CALHM4: variants seen among roughly 807,000 people sequenced by gnomAD.
The protein encoded by CALHM4 is calcium homeostasis modulator protein 4.
A neutral mutation model predicts 13.3 loss-of-function variants in CALHM4; 16 were observed. The observed-to-expected ratio is 1.20, with a 90% CI of 0.81 to 1.82. The LOEUF (loss-of-function observed/expected upper bound fraction) is 1.82. CALHM4 is among the 40% of genes most tolerant of loss of function. CALHM4 has a pLI of 0.00. For synonymous variants in CALHM4, 127 were observed against 137.1 expected (o/e 0.93, Z 0.52); for missense variants, 344 against 374.9 (o/e 0.92, Z 0.68).
At chr6:116,533,171 G>A (rs1772846184) in intron 1 of CALHM4, among the ~76,000 whole-genome samples, 1 of 152,160 alleles carries the variant, frequency 6.6e-6, no homozygotes, top group African/African-American at 2.4e-5. Context: ...TGGCCACAGT[G>A]TCATTTAACA....
chr6:116,557,271 G>T (rs1774364164), intron 1 of CALHM4, among the ~76,000 whole-genome samples: 1 of 152,070 alleles, frequency 6.6e-6, no homozygotes, highest in African/African-American at 2.4e-5. Flanking sequence ...AGAAACATGA[G>T]TCTCTTCACT....
At chr6:116,539,716 T>A (rs944199208) in intron 1 of CALHM4, among the ~76,000 whole-genome samples, 3 of 152,158 alleles carry the variant, frequency 2.0e-5, no homozygotes, top group African/African-American at 7.2e-5. Flanking sequence ...CTGACTTAAT[T>A]GATCAGTTTT....
At chr6:116,546,354 T>C (rs1773782610) in intron 2 of CALHM4, among the ~76,000 whole-genome samples, 1 of 152,236 alleles carries the variant, frequency 6.6e-6, no homozygotes, top group African/African-American at 2.4e-5. Context: ...CCTTTCACCT[T>C]GACAACTGCA....
chr6:116,540,118 A>T (rs1773346485), intron 1 of CALHM4, among the ~76,000 whole-genome samples: 1 of 152,322 alleles, frequency 6.6e-6, no homozygotes, highest in East Asian at 1.9e-4. Flanking sequence ...TGCTTTTTCC[A>T]CTGTGAGACA....
intron 1 of CALHM4, among the ~76,000 whole-genome samples, chr6:116,531,711 C>T (rs1267789671): frequency 2.6e-5 from 4 of 152,074 alleles, no homozygotes; most frequent in African/African-American, 4.8e-5. Context: ...ATGAAATGCA[C>T]TATGTAATGA....
chr6:116,538,212 C>T (rs867222599), intron 1 of CALHM4, among the ~76,000 whole-genome samples: 7 of 152,266 alleles, frequency 4.6e-5, no homozygotes, highest in African/African-American at 1.4e-4. Flanking sequence ...TTGCCCTCAG[C>T]GCTAATAATA....
Position 116,557,858 on chromosome 6 carries a change from A to G in CALHM4, c.592A>G (p.Ile198Val). The change falls in exon 2 of 2, where the codon ATT (isoleucine) becomes GTT (valine). Residue 198 changes from isoleucine (I) to valine (V), a missense_variant. Physicochemically the swap from Ile to Val is conservative, Grantham distance 29. Coordinates refer to ENST00000368596, the MANE Select transcript of CALHM4 (RefSeq NM_001366078.2). ...TTGGATTTTGATCACCTTGGCAACC[A>G]TTGCTGCCTTAGTCTCCTGCTGTGT... ...LGWILITLAT[I>V]AALVSCCVAK... The G allele has an allele frequency of 8.7e-6, 14 of 1,614,032 alleles. No individual in the cohort carries two copies. The highest frequency in any genetic ancestry group is 1.2e-5 in the Non-Finnish European group (14 of 1,179,954).
intron 1 of CALHM4, chr6:116,540,513 G>A (rs754483707): frequency 7.9e-6 from 12 of 1,517,842 alleles, no homozygotes; most frequent in South Asian, 1.2e-5. Flanking sequence ...AATTAGTGAA[G>A]TCTGTCAGTT....
intron 1 of CALHM4, 111 bp from the exon 2 acceptor site, chr6:116,557,714 T>C (rs1774387339): frequency 7.7e-7 from 1 of 1,303,060 alleles, no homozygotes; most frequent in African/African-American, 1.5e-5. Flanking sequence ...AAGCAAATTT[T>C]ATGTCCATAT....
chr6:116,542,037 T>C (rs997871185), intron 1 of CALHM4, among the ~76,000 whole-genome samples: 2 of 152,204 alleles, frequency 1.3e-5, no homozygotes, highest in African/African-American at 4.8e-5. Context: ...AAAGGTATTT[T>C]TGTAGTCAAA....
At position 116,557,753 on chromosome 6, in the gene CALHM4, C is replaced by T; in HGVS notation, c.559-72C>T. The T allele has an allele frequency of 2.6e-6, 4 of 1,509,800 alleles. No homozygotes were observed. The South Asian group carries it at 3.9e-5, about 15-fold the overall frequency. The allele number at this position is 1,509,800 out of a possible 1,614,324, so 93.5% of individuals were successfully genotyped here. ...AGTTCTTAGGTTTGTAGGAATCCCC[C>T]CTCCCATGGCTGTTGCTTGAATATT... On this transcript the variant is annotated intron_variant, in intron 1 of 1. Coordinates refer to ENST00000368596, the MANE Select transcript of CALHM4 (RefSeq NM_001366078.2).
chr6:116,552,249 C>T (rs1228136080), upstream of CALHM4, among the ~76,000 whole-genome samples: 5 of 152,024 alleles, frequency 3.3e-5, no homozygotes, highest in African/African-American at 9.7e-5. Flanking sequence ...CAGTCATTGC[C>T]GTTCTTTTGT....
At chr6:116,531,490 T>C (rs1170964264) in intron 1 of CALHM4, among the ~76,000 whole-genome samples, 3 of 152,068 alleles carry the variant, frequency 2.0e-5, no homozygotes, top group African/African-American at 4.8e-5. Flanking sequence ...CACAAAGACT[T>C]GCTGCTGAGG....
At chr6:116,540,490 G>GA in intron 1 of CALHM4, 2 of 1,543,508 alleles carry the variant, frequency 1.3e-6, no homozygotes, top group South Asian at 1.2e-5. Context: ...AGTGTGGTCT[G>GA]AAAATTCTAA....
At chr6:116,543,060 T>A (rs1051925457) in intron 1 of CALHM4, among the ~76,000 whole-genome samples, 4 of 152,172 alleles carry the variant, frequency 2.6e-5, no homozygotes, top group Non-Finnish European at 5.9e-5. Flanking sequence ...ACTTAAGAAA[T>A]GATTTCTAAC....
chr6:116,543,748 GC>G (rs1442724333), intron 1 of CALHM4: 6 of 1,294,980 alleles, frequency 4.6e-6, no homozygotes, highest in East Asian at 5.1e-5. Context: ...TAAAATATAT[GC>G]CATCCATGTT....
At chr6:116,552,918 C>CA (rs570699728), upstream of CALHM4, among the ~76,000 whole-genome samples, 30 of 152,098 alleles carry the variant, frequency 2.0e-4, 1 homozygote, top group South Asian at 5.6e-3. Flanking sequence ...ACTAAAAATA[C>CA]AAAAAATTAG....
At chr6:116,535,698 C>A (rs187870265) in intron 1 of CALHM4, among the ~76,000 whole-genome samples, 3 of 152,158 alleles carry the variant, frequency 2.0e-5, no homozygotes, top group Non-Finnish European at 4.4e-5. Context: ...CAACTAAAAT[C>A]AGCTATGGTA....
intron 1 of CALHM4, among the ~76,000 whole-genome samples, chr6:116,557,470 G>T: frequency 6.6e-6 from 1 of 152,144 alleles, no homozygotes; most frequent in Admixed American, 6.5e-5. Context: ...ATAACTGATA[G>T]TTGAGAAGTA....
Sources: allele counts gnomAD v4.1 joint callset (sites outside exome capture counted in the v4.1 genomes callset), GRCh38; gene constraint gnomAD v4.1.1; transcripts MANE v1.5; gene names NCBI Gene and HGNC (gene_info 2026-07-23, HGNC 2026-07-21).